The following CSE1L variants were observed in gnomAD, a reference collection of about 807,000 sequenced individuals.
CSE1L encodes the protein chromosome segregation 1 like.
A neutral mutation model predicts 120.4 loss-of-function variants in CSE1L; 24 were observed. That is an observed-to-expected ratio of 0.20 (90% CI 0.14 to 0.28). The LOEUF is 0.28. Among genes scored for constraint, CSE1L ranks in the 10% least tolerant of loss-of-function variants. The pLI is 1.00. For synonymous variants in CSE1L, 402 were observed against 398.3 expected (o/e 1.01, Z -0.11); for missense variants, 830 against 1,145.2 (o/e 0.72, Z 3.97).
intron 16 of CSE1L, among the ~76,000 whole-genome samples, chr20:49,086,668 A>G (rs867307657): frequency 2.6e-5 from 4 of 152,008 alleles, no homozygotes; most frequent in African/African-American, 7.2e-5. Flanking sequence ...CCCAGCCTTA[A>G]TGTCCATTTC....
At chr20:49,059,699 GA>G (rs779142253) in intron 2 of CSE1L, among the ~76,000 whole-genome samples, 1 of 151,988 alleles carries the variant, frequency 6.6e-6, no homozygotes, top group Non-Finnish European at 1.5e-5. Context: ...CTAATATGGT[GA>G]AACCCCTTCT....
chr20:49,082,141 C>A (rs1161827439), intron 14 of CSE1L, among the ~76,000 whole-genome samples: 2 of 151,106 alleles, frequency 1.3e-5, no homozygotes, highest in African/African-American at 4.9e-5. Context: ...AGGTTCAAGC[C>A]ATGCTTTTTT....
At chr20:49,086,716 G>C (rs2092061154) in intron 16 of CSE1L, among the ~76,000 whole-genome samples, 1 of 152,130 alleles carries the variant, frequency 6.6e-6, no homozygotes, top group Non-Finnish European at 1.5e-5. Context: ...CTTCATTACT[G>C]TGTTTTTAGG....
intron 1 of CSE1L, among the ~76,000 whole-genome samples, chr20:49,053,104 G>T (rs1249850120): frequency 1.3e-5 from 2 of 149,460 alleles, no homozygotes; most frequent in Non-Finnish European, 3.0e-5. Context: ...GAGCTCAGGA[G>T]TTAGAATCCA....
At chr20:49,068,558 C>G (rs929288282) in intron 6 of CSE1L, among the ~76,000 whole-genome samples, 157 bp from the exon 7 acceptor site, 1 of 152,154 alleles carries the variant, frequency 6.6e-6, no homozygotes, top group African/African-American at 2.4e-5. Context: ...GAGATTGTGC[C>G]ACTGCGCTCC....
Position 49,089,326 on chromosome 20 carries a change from C to G in CSE1L, c.1901C>G (p.Pro634Arg). 1.2e-6 allele frequency: 2 copies of G among 1,613,364 alleles called. No homozygotes were observed. Among genetic ancestry groups the G allele is most frequent in the Middle Eastern group, 3.3e-4 (2 of 6,040 alleles). The change falls in exon 18 of 25, where the codon CCT (proline) becomes CGT (arginine). Residue 634 changes from proline (P) to arginine (R), a missense_variant. This residue lies in a region of CSE1L where 168 missense variants were observed against 267.9 expected (regional missense o/e 0.63). Coordinates refer to ENST00000262982, the MANE Select transcript of CSE1L (RefSeq NM_001316.4). Reference protein sequence around the residue: ...LSIRITCKANPAAVVNFEEAL... With the variant: ...LSIRITCKANRAAVVNFEEAL... The stretch of plus-strand genomic sequence containing the variant: ...ATAAGAATAACTTGCAAAGCTAACC[C>G]TGCTGCTGTTGTAAATTTTGAGGAG...
chr20:49,095,542 T>G (rs764341417), intron 24 of CSE1L, among the ~76,000 whole-genome samples: 1 of 152,060 alleles, frequency 6.6e-6, no homozygotes, highest in Non-Finnish European at 1.5e-5. Flanking sequence ...CTCAACCTCC[T>G]GGGCTCAAGC....
At chr20:49,051,546 A>C (rs921356127) in intron 1 of CSE1L, among the ~76,000 whole-genome samples, 1 of 152,074 alleles carries the variant, frequency 6.6e-6, no homozygotes, top group African/African-American at 2.4e-5. Context: ...CCCTGTCTCC[A>C]AAAAAAACAA....
intron 22 of CSE1L, among the ~76,000 whole-genome samples, chr20:49,093,639 AG>A (rs2145758169): frequency 6.9e-6 from 1 of 145,240 alleles, no homozygotes; most frequent in South Asian, 2.2e-4. Flanking sequence ...AGAGAGGGCC[AG>A]GAATGGTGGC....
At chr20:49,077,091 T>C in intron 13 of CSE1L, 27 bp downstream of exon 13, 1 of 1,455,634 alleles carries the variant, frequency 6.9e-7, no homozygotes. Flanking sequence ...TTGCTTTTTT[T>C]ACAGCTTGCC....
chr20:49,094,372 C>T lies in CSE1L; in HGVS notation c.2594+86C>T, dbSNP rs191003718. 2.9e-4 allele frequency: 383 copies of T among 1,303,484 alleles called. 1 individual carries two copies. The Middle Eastern group carries it at 3.1e-3, about 11-fold the overall frequency. 80.7% of individuals were successfully genotyped at this position (1,303,484 alleles called of 1,614,324 possible). ...TTAACAAAGCTTATTCTCTTGGGGGCCAAGAGAATCTTGGTCTGATCTCAG... is the reference window on the plus strand; with the variant it reads ...TTAACAAAGCTTATTCTCTTGGGGGTCAAGAGAATCTTGGTCTGATCTCAG... On this transcript the variant is annotated intron_variant, in intron 23 of 24. Transcript: ENST00000262982.
chr20:49,062,253 A>G (rs2091858696), intron 2 of CSE1L, among the ~76,000 whole-genome samples: 1 of 152,210 alleles, frequency 6.6e-6, no homozygotes, highest in African/African-American at 2.4e-5. Flanking sequence ...TTCAAGAAAG[A>G]CATGATAAGC....
intron 7 of CSE1L, among the ~76,000 whole-genome samples, chr20:49,069,808 A>G (rs2091919281): frequency 6.6e-6 from 1 of 152,230 alleles, no homozygotes; most frequent in Non-Finnish European, 1.5e-5. Context: ...GTACTATGCC[A>G]CAAGAAATCA....
At chr20:49,095,290 T>A (rs1393848630) in intron 24 of CSE1L, 2 of 255,162 alleles carry the variant, frequency 7.8e-6, no homozygotes, top group South Asian at 6.3e-5. Context: ...GTAATCCATC[T>A]ATTATTAAAA....
At chr20:49,053,848 C>T (rs912347118) in intron 1 of CSE1L, among the ~76,000 whole-genome samples, 2 of 152,076 alleles carry the variant, frequency 1.3e-5, no homozygotes, top group African/African-American at 4.8e-5. Context: ...ACCACCACGC[C>T]CGGCTAATTT....
At chr20:49,058,841 C>A (rs1414529253) in intron 2 of CSE1L, among the ~76,000 whole-genome samples, 1 of 152,068 alleles carries the variant, frequency 6.6e-6, no homozygotes, top group Non-Finnish European at 1.5e-5. Flanking sequence ...TTAAAACATG[C>A]CTGCTTTAGG....
Position 49,058,539 on chromosome 20 carries a change from C to T in CSE1L, c.76C>T (p.Arg26Ter), listed in dbSNP as rs2091826908. 6.2e-7 allele frequency: 1 copy of T among 1,612,862 alleles called. No homozygotes were observed. The highest frequency in any genetic ancestry group is 8.5e-7 in the Non-Finnish European group (1 of 1,179,310). ...KKTLDPDPAI[R>*]RPAEKFLESV... ...AACACTTGATCCTGATCCTGCCATCCGACGTCCAGGTAAAGAAAATAAACG... is the reference window on the plus strand; with the variant it reads ...AACACTTGATCCTGATCCTGCCATCTGACGTCCAGGTAAAGAAAATAAACG... The change falls in exon 2 of 25, where the codon CGA (arginine) becomes TGA (stop). Residue 26 changes from arginine (R) to a stop codon, truncating the protein, a stop_gained. Transcript: ENST00000262982. LOFTEE classifies it high-confidence loss of function.
chr20:49,083,824 G>A (rs977620007), intron 14 of CSE1L, among the ~76,000 whole-genome samples: 3 of 152,138 alleles, frequency 2.0e-5, no homozygotes, highest in African/African-American at 7.2e-5. Context: ...TTTGTGCTCT[G>A]AAAAGGAGAA....
At chr20:49,062,341 A>G (rs1356109457) in intron 2 of CSE1L, among the ~76,000 whole-genome samples, 1 of 152,208 alleles carries the variant, frequency 6.6e-6, no homozygotes, top group Non-Finnish European at 1.5e-5. Context: ...TAAATGATAC[A>G]TGAAATTAAT....
Sources: allele counts gnomAD v4.1 joint callset (sites outside exome capture counted in the v4.1 genomes callset), GRCh38; gene constraint gnomAD v4.1.1; regional missense constraint gnomAD v4.1.1; transcripts MANE v1.5; gene names NCBI Gene and HGNC (gene_info 2026-07-23, HGNC 2026-07-21).